The following GPHN variants were observed in gnomAD, a reference collection of about 807,000 sequenced individuals.
GPHN encodes the protein gephyrin.
GPHN carries 17 observed loss-of-function variants against 95.5 expected under a neutral mutation model. The ratio of observed to expected loss-of-function variants is 0.18; its 90% CI spans 0.12 to 0.27. The LOEUF (loss-of-function observed/expected upper bound fraction) is 0.27, where lower values mean the gene tolerates loss of function less well. Ranked by LOEUF, GPHN falls within the 10% of genes least tolerant of loss-of-function variation. GPHN has a pLI of 1.00. For missense variants in GPHN, 660 were observed against 978.1 expected (o/e 0.67, Z 4.34); for synonymous variants, 320 against 322.5 (o/e 0.99, Z 0.08).
chr14:66,812,350 C>A (rs1311490056), intron 3 of GPHN, among the ~76,000 whole-genome samples: 1 of 152,198 alleles, frequency 6.6e-6, no homozygotes, highest in Non-Finnish European at 1.5e-5. Flanking sequence ...AATCCAGTGT[C>A]TATTCAACAT....
the GPHN span, chr14:67,208,186 C>T: frequency 8.1e-5 from 130 of 1,612,366 alleles, 1 homozygote; most frequent in South Asian, 1.3e-3. Context: ...TTTGCTGCTG[C>T]TTTTTATTTT....
At chr14:67,269,180 A>G in the GPHN span, among the ~76,000 whole-genome samples, 5 of 152,142 alleles carry the variant, frequency 3.3e-5, no homozygotes, top group Non-Finnish European at 7.4e-5. Context: ...GGGTTAATCT[A>G]TGTTGTAGCA....
At chr14:66,587,582 A>G (rs1287955098) in intron 1 of GPHN, among the ~76,000 whole-genome samples, 1 of 152,248 alleles carries the variant, frequency 6.6e-6, no homozygotes, top group Non-Finnish European at 1.5e-5. Flanking sequence ...TATGCAAATC[A>G]GTGGAGGTCA....
chr14:67,168,784 G>A, intron 20 of GPHN, 149 bp from the exon 21 acceptor site: 1 of 687,454 alleles, frequency 1.5e-6, no homozygotes, highest in Non-Finnish European at 2.7e-6. Flanking sequence ...CTATACCTCT[G>A]TTCTGGTTGG....
intron 2 of GPHN, among the ~76,000 whole-genome samples, chr14:66,746,857 C>T (rs2058171729): frequency 6.6e-6 from 1 of 152,084 alleles, no homozygotes; most frequent in Non-Finnish European, 1.5e-5. Context: ...AAAGGTAGGT[C>T]GACCTCCCTC....
At chr14:67,374,462 G>A in the GPHN span, 1 of 1,584,620 alleles carries the variant, frequency 6.3e-7, no homozygotes, top group Non-Finnish European at 8.6e-7. Flanking sequence ...CAATTTTTTT[G>A]TACAGGATAT....
At chr14:66,687,010 A>G (rs565857732) in intron 2 of GPHN, among the ~76,000 whole-genome samples, 9 of 152,136 alleles carry the variant, frequency 5.9e-5, no homozygotes, top group African/African-American at 1.7e-4. Flanking sequence ...TGAGATGATC[A>G]TGTGGTTTTT....
At chr14:67,047,060 G>A (rs1293719044) in intron 10 of GPHN, among the ~76,000 whole-genome samples, 1 of 152,140 alleles carries the variant, frequency 6.6e-6, no homozygotes, top group Non-Finnish European at 1.5e-5. Context: ...ACAAGGAATT[G>A]AAGCTGCAAA....
chr14:66,794,079 A>C (rs2060071695), intron 3 of GPHN, among the ~76,000 whole-genome samples: 1 of 152,164 alleles, frequency 6.6e-6, no homozygotes, highest in South Asian at 2.1e-4. Context: ...GATTGAAATT[A>C]AAAGGATAGA....
At chr14:66,862,303 C>T (rs997726524) in intron 4 of GPHN, among the ~76,000 whole-genome samples, 3 of 151,836 alleles carry the variant, frequency 2.0e-5, no homozygotes, top group Admixed American at 2.0e-4. Flanking sequence ...AAATCCAAAA[C>T]CTGAACAGAG....
the GPHN span, among the ~76,000 whole-genome samples, chr14:67,618,227 G>A: frequency 6.6e-6 from 1 of 152,154 alleles, no homozygotes; most frequent in Non-Finnish European, 1.5e-5. Context: ...CATTCCTGGA[G>A]GGCTTGTTAA....
At chr14:67,082,731 A>G (rs1191917565) in intron 11 of GPHN, among the ~76,000 whole-genome samples, 1 of 152,118 alleles carries the variant, frequency 6.6e-6, no homozygotes, top group Non-Finnish European at 1.5e-5. Flanking sequence ...ATGAACATTA[A>G]CAATATGAAC....
chr14:67,553,502 C>T, the GPHN span, among the ~76,000 whole-genome samples: 1 of 152,168 alleles, frequency 6.6e-6, no homozygotes, highest in Non-Finnish European at 1.5e-5. Context: ...GGTTTGTGCA[C>T]CTTCTCCAGG....
intron 17 of GPHN, among the ~76,000 whole-genome samples, chr14:67,123,704 T>C (rs974335658): frequency 8.5e-5 from 13 of 152,142 alleles, no homozygotes; most frequent in African/African-American, 2.9e-4. Flanking sequence ...CAAATTAAGC[T>C]TCTCCAACCC....
intron 10 of GPHN, among the ~76,000 whole-genome samples, chr14:67,028,232 T>C (rs1351053410): frequency 6.6e-6 from 1 of 152,256 alleles, no homozygotes. Context: ...TAGTCCATTG[T>C]GTGTATATAC....
At chr14:66,856,929 A>T (rs939641377) in intron 4 of GPHN, among the ~76,000 whole-genome samples, 3 of 152,162 alleles carry the variant, frequency 2.0e-5, no homozygotes, top group Non-Finnish European at 4.4e-5. Flanking sequence ...CTAAGGATAC[A>T]TAGTAAACTA....
At chr14:67,154,684 T>C (rs925154604) in intron 18 of GPHN, among the ~76,000 whole-genome samples, 2 of 152,006 alleles carry the variant, frequency 1.3e-5, no homozygotes, top group East Asian at 1.9e-4. Flanking sequence ...AGGATACATA[T>C]CAGCTATCAA....
chr14:67,100,975 C>A, intron 13 of GPHN, 64 bp downstream of exon 13: 1 of 932,028 alleles, frequency 1.1e-6, no homozygotes, highest in Non-Finnish European at 1.8e-6. Context: ...GCATCTAATT[C>A]TAAATTTCTC....
chr14:66,532,730 G>A (rs577808548), intron 1 of GPHN, among the ~76,000 whole-genome samples: 7 of 152,258 alleles, frequency 4.6e-5, no homozygotes, highest in African/African-American at 1.4e-4. Flanking sequence ...ATTGGACCCA[G>A]GGTTGAAGAT....
Sources: gnomAD v4.1 joint callset for allele counts (sites outside exome capture counted in the v4.1 genomes callset) on GRCh38, gnomAD v4.1.1 for gene constraint, MANE v1.5 for transcripts, NCBI Gene and HGNC (gene_info 2026-07-23, HGNC 2026-07-21) for gene names.